Variants in DNAH9 observed in about 807,000 individuals in gnomAD.
DNAH9 encodes the protein DNAH9 variant protein.
In DNAH9, 345 loss-of-function variants were observed where a neutral mutation model predicts 471.6. The ratio of observed to expected loss-of-function variants is 0.73; its 90% confidence interval spans 0.67 to 0.80. The LOEUF (loss-of-function observed/expected upper bound fraction) is 0.80. Among genes scored for constraint, DNAH9 ranks in the 30% least tolerant of loss-of-function variants. DNAH9 has a pLI of 0.00. For synonymous variants in DNAH9, 2,093 were observed against 2,123.6 expected (o/e 0.99, Z 0.40); for missense variants, 5,407 against 5,609.2 (o/e 0.96, Z 1.15).
intron 49 of DNAH9, among the ~76,000 whole-genome samples, chr17:11,851,227 C>T (rs975437168): frequency 5.9e-5 from 9 of 152,164 alleles, no homozygotes; most frequent in African/African-American, 1.7e-4. Flanking sequence ...TCTCCTGCCT[C>T]AGCCTCCTGC....
At position 11,762,770 on chromosome 17, in the gene DNAH9, G is replaced by GTTTGTTTTTTTTTTTTTTTTTTTTTTT. The variant is rs1193246497; in HGVS notation, c.6996-667_6996-666insGTTTTTTTTTTTTTTTTTTTTTTTTTT. 1.9e-4 allele frequency among the ~76,000 whole-genome samples: 17 copies of GTTTGTTTTTTTTTTTTTTTTTTTTTTT among 90,792 alleles called. 1 individual carries two copies. Among genetic ancestry groups the GTTTGTTTTTTTTTTTTTTTTTTTTTTT allele is most frequent in the Non-Finnish European group, 3.7e-4 (17 of 45,774 alleles). 59.6% of individuals were successfully genotyped at this position (90,792 alleles called of 152,430 possible). A position where few individuals can be genotyped will look rare whatever the true frequency, so the allele number is the denominator to read the frequency against. The stretch of plus-strand genomic sequence containing the variant: ...CCTCTTTAGGTGCGTTTTTTTTTTT[G>GTTTGTTTTTTTTTTTTTTTTTTTTTTT]TTTTTTTTTTTTTTTTTTTTTTTTT... On this transcript the variant is annotated intron_variant, in intron 35 of 68. Coordinates refer to ENST00000262442, the MANE Select transcript of DNAH9 (RefSeq NM_001372.4).
intron 29 of DNAH9, among the ~76,000 whole-genome samples, chr17:11,740,852 G>T (rs1264399485): frequency 6.6e-6 from 1 of 152,076 alleles, no homozygotes; most frequent in Non-Finnish European, 1.5e-5. Context: ...CCCCAGTCCT[G>T]TCATCCAGGA....
intron 41 of DNAH9, among the ~76,000 whole-genome samples, chr17:11,785,364 C>T (rs1019692292): frequency 6.6e-6 from 1 of 151,978 alleles, no homozygotes; most frequent in African/African-American, 2.4e-5. Context: ...AAAAAAGTGT[C>T]GAAGTGATCA....
intron 1 of DNAH9, among the ~76,000 whole-genome samples, chr17:11,601,885 G>A (rs557482285): frequency 3.9e-5 from 6 of 152,224 alleles, no homozygotes; most frequent in East Asian, 1.9e-4. Flanking sequence ...TGGGCGGGGC[G>A]GTTTGGGGGT....
At chr17:11,784,578 G>T in intron 41 of DNAH9, 39 bp downstream of exon 41, 2 of 1,613,092 alleles carry the variant, frequency 1.2e-6, no homozygotes, top group Non-Finnish European at 1.7e-6. Context: ...GGGGCTTAGT[G>T]ATTATCCAGA....
chr17:11,809,933 C>T (rs180845380), intron 44 of DNAH9, among the ~76,000 whole-genome samples: 45 of 152,148 alleles, frequency 3.0e-4, no homozygotes, highest in Admixed American at 2.4e-3. Context: ...AGCAGGAGCT[C>T]CAGAAGCTTT....
At chr17:11,829,914 A>G (rs559253790) in intron 48 of DNAH9, among the ~76,000 whole-genome samples, 33 of 152,346 alleles carry the variant, frequency 2.2e-4, no homozygotes, top group African/African-American at 7.5e-4. Context: ...TTAATCTTGC[A>G]TTGCATTGTG....
At chr17:11,783,238 C>T (rs1968734379) in intron 39 of DNAH9, among the ~76,000 whole-genome samples, 1 of 152,104 alleles carries the variant, frequency 6.6e-6, no homozygotes, top group Non-Finnish European at 1.5e-5. Flanking sequence ...CATTACTGGC[C>T]CAACCAGAGA....
intron 50 of DNAH9, among the ~76,000 whole-genome samples, chr17:11,859,940 G>C (rs1029499869): frequency 2.6e-5 from 4 of 152,074 alleles, no homozygotes; most frequent in African/African-American, 7.2e-5. Context: ...CCAAACCATA[G>C]CACAAGATGA....
intron 41 of DNAH9, among the ~76,000 whole-genome samples, chr17:11,792,384 A>C (rs1368692097): frequency 2.0e-5 from 3 of 152,278 alleles, no homozygotes; most frequent in African/African-American, 7.2e-5. Flanking sequence ...GTAAAGACCC[A>C]TTAAATGATC....
Position 11,681,220 on chromosome 17 carries a change from C to T in DNAH9, c.3743+331C>T, listed in dbSNP as rs149852035. 2.2e-3 allele frequency among the ~76,000 whole-genome samples: 336 copies of T among 152,304 alleles called. 1 individual carries two copies. The highest frequency in any genetic ancestry group is 7.0e-3 in the African/African-American group (293 of 41,564). On this transcript the variant is annotated intron_variant, in intron 19 of 68. Transcript: ENST00000262442. Reference sequence around the variant, plus strand: ...AAACCTTTAGCATTCTAAGTTCTCACAGACTGTTCTTTTGGTTTTAAAAAG... The same window carrying T: ...AAACCTTTAGCATTCTAAGTTCTCATAGACTGTTCTTTTGGTTTTAAAAAG...
chr17:11,940,785 G>T (rs897736683), intron 66 of DNAH9, among the ~76,000 whole-genome samples: 1 of 152,190 alleles, frequency 6.6e-6, no homozygotes, highest in African/African-American at 2.4e-5. Context: ...GGGACAAGTG[G>T]AGAAAAAGAC....
At chr17:11,921,774 G>A (rs920308661) in intron 61 of DNAH9, among the ~76,000 whole-genome samples, 4 of 151,902 alleles carry the variant, frequency 2.6e-5, no homozygotes, top group South Asian at 2.1e-4. Flanking sequence ...TTTCTTCTCC[G>A]CCTCATTGTC....
At chr17:11,968,348 C>T (rs1423122498) in intron 68 of DNAH9, among the ~76,000 whole-genome samples, 1 of 152,196 alleles carries the variant, frequency 6.6e-6, no homozygotes, top group African/African-American at 2.4e-5. Context: ...GAGCTACATC[C>T]TTCCCTTTAA....
At chr17:11,871,465 A>G in intron 51 of DNAH9, 133 bp from the exon 52 acceptor site, 5 of 760,184 alleles carry the variant, frequency 6.6e-6, no homozygotes, top group East Asian at 5.0e-5. Context: ...CCATTAACGG[A>G]AAGGGCCATA....
At chr17:11,743,566 C>A (rs916160717) in intron 30 of DNAH9, among the ~76,000 whole-genome samples, 1 of 152,172 alleles carries the variant, frequency 6.6e-6, no homozygotes, top group Non-Finnish European at 1.5e-5. Flanking sequence ...TCAACAGCAG[C>A]GGCTCACAGC....
At chr17:11,850,630 G>A (rs182771069) in intron 49 of DNAH9, among the ~76,000 whole-genome samples, 89 of 143,442 alleles carry the variant, frequency 6.2e-4, no homozygotes, top group Admixed American at 1.9e-3. Context: ...CAGCCTGGGC[G>A]ACAGTGTGAG....
chr17:11,599,316 G>A (rs2072335291), intron 1 of DNAH9, among the ~76,000 whole-genome samples: 1 of 152,100 alleles, frequency 6.6e-6, no homozygotes, highest in Non-Finnish European at 1.5e-5. Context: ...CCTGTAAATT[G>A]GAAAGATCTG....
chr17:11,690,208 G>A lies in DNAH9; in HGVS notation c.4386G>A (p.Leu1462=), dbSNP rs945105265. The change falls in exon 20 of 69, where the codon CTG becomes CTA. Residue 1462 remains leucine, a synonymous_variant. Transcript: ENST00000262442. The stretch of plus-strand genomic sequence containing the variant: ...ACCCACGGACCAATGTCCCCCTCCT[G>A]TGCTCTGATGAGGACCTCATAGAGG... ...EPHPRTNVPL[L]CSDEDLIEVL... The A allele has an allele frequency of 1.2e-6, 2 of 1,614,210 alleles. No homozygotes were observed. Among genetic ancestry groups the A allele is most frequent in the Admixed American group, 3.3e-5 (2 of 60,030 alleles).
Sources: gnomAD v4.1 joint callset for allele counts (sites outside exome capture counted in the v4.1 genomes callset) on GRCh38, gnomAD v4.1.1 for gene constraint, MANE v1.5 for transcripts, NCBI Gene and HGNC (gene_info 2026-07-23, HGNC 2026-07-21) for gene names.